The following CPNE4 variants were observed in gnomAD, a reference collection of about 807,000 sequenced individuals.
CPNE4 encodes the protein copine 4.
Under a neutral mutation model 67.9 loss-of-function variants are expected in CPNE4, and 25 were observed. The observed-to-expected ratio is 0.37, with a 90% CI of 0.27 to 0.51. The LOEUF (loss-of-function observed/expected upper bound fraction) is 0.51. Ranked by LOEUF, CPNE4 falls within the 20% of genes least tolerant of loss-of-function variation. The probability of loss-of-function intolerance (pLI) is 0.93; values close to 1 mark genes in which losing one functional copy is unlikely to be tolerated. For missense variants in CPNE4, 464 were observed against 690.8 expected (o/e 0.67, Z 3.68); for synonymous variants, 242 against 244.9 (o/e 0.99, Z 0.11).
intron 2 of CPNE4, among the ~76,000 whole-genome samples, chr3:131,858,154 G>C (rs1013309882): frequency 3.9e-5 from 6 of 151,950 alleles, no homozygotes; most frequent in African/African-American, 1.4e-4. Flanking sequence ...TTAAAGCTTT[G>C]ACCATGATTT....
chr3:131,959,327 C>G (rs2072097607), intron 1 of CPNE4, among the ~76,000 whole-genome samples: 1 of 150,564 alleles, frequency 6.6e-6, no homozygotes, highest in South Asian at 2.1e-4. Context: ...TTCAATTATC[C>G]TATATATAAT....
intron 2 of CPNE4, among the ~76,000 whole-genome samples, chr3:131,893,547 T>C (rs2088201011): frequency 6.6e-6 from 1 of 152,032 alleles, no homozygotes; most frequent in South Asian, 2.1e-4. Context: ...TCACATGGAA[T>C]GTTCTCCAGG....
intron 3 of CPNE4, among the ~76,000 whole-genome samples, chr3:131,701,292 A>G (rs1198429879): frequency 6.6e-6 from 1 of 152,090 alleles, no homozygotes; most frequent in African/African-American, 2.4e-5. Flanking sequence ...GCTTAGAGGG[A>G]ACAACATCAT....
intron 2 of CPNE4, among the ~76,000 whole-genome samples, chr3:131,831,187 G>C (rs571686940): frequency 1.7e-4 from 26 of 151,666 alleles, no homozygotes; most frequent in African/African-American, 6.0e-4. Context: ...TCATGTTCTG[G>C]GATCAATATT....
intron 9 of CPNE4, among the ~76,000 whole-genome samples, chr3:131,580,401 TATACATATACATATACATATA>T (rs1937732541): frequency 8.6e-5 from 2 of 23,202 alleles, no homozygotes; most frequent in Non-Finnish European, 5.5e-4. Flanking sequence ...TACATATACA[TATACATATACATATACATATA>T]CATATACATA....
chr3:131,714,975 A>T (rs1380335260), intron 3 of CPNE4, among the ~76,000 whole-genome samples: 1 of 152,186 alleles, frequency 6.6e-6, no homozygotes, highest in African/African-American at 2.4e-5. Context: ...GAGGAGACAT[A>T]CACTGAAGAA....
intron 2 of CPNE4, among the ~76,000 whole-genome samples, chr3:131,870,245 CCACT>C (rs1215607768): frequency 3.3e-5 from 5 of 152,122 alleles, no homozygotes; most frequent in Non-Finnish European, 5.9e-5. Context: ...ATTTGTTTAT[CCACT>C]CAGTTATGAA....
chr3:131,594,014 G>A (rs1163034763), intron 7 of CPNE4, among the ~76,000 whole-genome samples: 1 of 152,124 alleles, frequency 6.6e-6, no homozygotes, highest in Admixed American at 6.5e-5. Context: ...CACCACGCCT[G>A]CCCGGCCTTC....
chr3:131,867,910 T>A (rs73203895), intron 2 of CPNE4, among the ~76,000 whole-genome samples: 2 of 152,106 alleles, frequency 1.3e-5, no homozygotes, highest in Non-Finnish European at 2.9e-5. Context: ...ATAAGACAGA[T>A]CTCAACAATA....
intron 2 of CPNE4, among the ~76,000 whole-genome samples, chr3:131,825,550 C>T (rs1435754176): frequency 6.7e-6 from 1 of 148,202 alleles, no homozygotes; most frequent in African/African-American, 2.5e-5. Flanking sequence ...TGATGAAGAA[C>T]AACACAAATG....
chr3:131,940,815 G>A (rs1258294083), intron 1 of CPNE4, among the ~76,000 whole-genome samples: 1 of 152,072 alleles, frequency 6.6e-6, no homozygotes, highest in South Asian at 2.1e-4. Flanking sequence ...GGAGATGTCG[G>A]TGTCTTTCTT....
intron 1 of CPNE4, among the ~76,000 whole-genome samples, chr3:132,004,217 G>A (rs1457765667): frequency 6.6e-6 from 1 of 152,004 alleles, no homozygotes; most frequent in African/African-American, 2.4e-5. Context: ...CTATATCTAT[G>A]TCTATATAAA....
intron 2 of CPNE4, among the ~76,000 whole-genome samples, chr3:131,872,346 T>C (rs2087251470): frequency 6.6e-6 from 1 of 152,106 alleles, no homozygotes; most frequent in African/African-American, 2.4e-5. Flanking sequence ...ATGGTATAGG[T>C]TCAGTCTGAC....
chr3:131,634,221 T>G (rs1234960853), intron 7 of CPNE4, among the ~76,000 whole-genome samples: 1 of 152,180 alleles, frequency 6.6e-6, no homozygotes, highest in Non-Finnish European at 1.5e-5. Flanking sequence ...ATACTTATCC[T>G]TCAGGTATTG....
At chr3:132,018,650 T>G (rs2073934748) in intron 1 of CPNE4, among the ~76,000 whole-genome samples, 1 of 152,112 alleles carries the variant, frequency 6.6e-6, no homozygotes, top group Non-Finnish European at 1.5e-5. Flanking sequence ...TTAAGCACAT[T>G]TCCACCACCA....
rs149623278 is a variant in CPNE4, at chr3:131,919,206, T to C, written c.-1-13762A>G. 1.3e-3 allele frequency among the ~76,000 whole-genome samples: 205 copies of C among 152,304 alleles called. 2 individuals are homozygous for C. The highest frequency in any genetic ancestry group is 4.9e-3 in the African/African-American group (204 of 41,566). On this transcript the variant is annotated intron_variant, in intron 1 of 15. Coordinates refer to ENST00000429747, the MANE Select transcript of CPNE4 (RefSeq NM_130808.3). ...AGCACTAAGTGAATAGTGAAGAGGA[T>C]TGATGAGACTCCACTTAATCTGTCC...
intron 2 of CPNE4, among the ~76,000 whole-genome samples, chr3:131,807,473 G>T (rs775121467): frequency 1.2e-4 from 19 of 152,166 alleles, no homozygotes; most frequent in Non-Finnish European, 2.5e-4. Flanking sequence ...GCATGAACTA[G>T]GGTCTATTCT....
chr3:131,896,865 C>T (rs1248899912), intron 2 of CPNE4, among the ~76,000 whole-genome samples: 2 of 152,066 alleles, frequency 1.3e-5, no homozygotes, highest in Non-Finnish European at 2.9e-5. Flanking sequence ...CATAATTTTT[C>T]TCTACAAAAT....
Position 131,886,821 on chromosome 3 carries a change from G to A in CPNE4, c.180+18443C>T, listed in dbSNP as rs572909669. Among the ~76,000 whole-genome samples, 15 of 152,282 alleles carry A rather than the reference G, an allele frequency of 9.9e-5. No individual in the cohort carries two copies. The South Asian group carries it at 3.1e-3, about 32-fold the overall frequency. ...TTGTTTTGGCCAATTTCTCCCACTT[G>A]AAACAACTGTATTTACCCAATGTTT... On this transcript the variant is annotated intron_variant, in intron 2 of 15. Transcript: ENST00000429747.
Sources: gnomAD v4.1 joint callset for allele counts (sites outside exome capture counted in the v4.1 genomes callset) on GRCh38, gnomAD v4.1.1 for gene constraint, MANE v1.5 for transcripts, NCBI Gene and HGNC (gene_info 2026-07-23, HGNC 2026-07-21) for gene names.